The following RFT1 variants were observed in gnomAD, a reference collection of about 807,000 sequenced individuals.
RFT1 encodes man(5)GlcNAc(2)-PP-dolichol translocation protein RFT1.
A neutral mutation model predicts 62.2 loss-of-function variants in RFT1; 43 were observed. That is an observed-to-expected ratio of 0.69 (90% CI 0.54 to 0.89). The LOEUF is 0.89. Ranked by LOEUF, RFT1 falls within the 40% of genes least tolerant of loss-of-function variation. The pLI, the probability that RFT1 is intolerant of heterozygous loss-of-function variation, is 0.00. For synonymous variants in RFT1, 262 were observed against 264.6 expected (o/e 0.99, Z 0.10); for missense variants, 605 against 649.9 (o/e 0.93, Z 0.75).
At chr3:53,079,729 C>G in the RFT1 span, among the ~76,000 whole-genome samples, 1 of 152,192 alleles carries the variant, frequency 6.6e-6, no homozygotes, top group African/African-American at 2.4e-5. Flanking sequence ...AAGAAAAAGA[C>G]AGCACCCTCT....
At chr3:53,069,460 C>A in the RFT1 span, among the ~76,000 whole-genome samples, 1 of 151,260 alleles carries the variant, frequency 6.6e-6, no homozygotes, top group East Asian at 1.9e-4. Context: ...AAGATAAAAA[C>A]CATAGTGGAA....
At chr3:53,128,045 G>T (rs1480743122) in intron 1 of RFT1, among the ~76,000 whole-genome samples, 1 of 151,566 alleles carries the variant, frequency 6.6e-6, no homozygotes, top group Admixed American at 6.6e-5. Context: ...CACCTGTAAT[G>T]CCAGCACTTC....
chr3:53,111,959 A>G, intron 6 of RFT1, 51 bp from the exon 7 acceptor site: 1 of 1,435,538 alleles, frequency 7.0e-7, no homozygotes, highest in South Asian at 1.1e-5. Flanking sequence ...TTGCAAGTCT[A>G]AGAATGCAAT....
chr3:53,102,446 T>C (rs1338064684), intron 10 of RFT1, among the ~76,000 whole-genome samples: 2 of 152,148 alleles, frequency 1.3e-5, no homozygotes, highest in Non-Finnish European at 2.9e-5. Flanking sequence ...GAGAGAAATG[T>C]AAGAAATCTT....
chr3:53,092,291 C>T (rs1307573640), intron 12 of RFT1, 78 bp downstream of exon 12: 2 of 1,555,738 alleles, frequency 1.3e-6, no homozygotes, highest in African/African-American at 2.7e-5. Context: ...AGGCAAAAAC[C>T]TGGGAAGAGG....
rs1442056912 is a variant in RFT1 at position 53,090,931 on chromosome 3, T to C, written c.*972A>G. On this transcript the variant is annotated 3_prime_UTR_variant, in exon 13 of 13. Transcript: ENST00000296292. ...TGGGGCTGGAATTTGGTTGTATTGATCAATGCTGGAATTAATGGGTCAACG... is the reference window on the plus strand; with the variant it reads ...TGGGGCTGGAATTTGGTTGTATTGACCAATGCTGGAATTAATGGGTCAACG... The C allele has an allele frequency of 1.3e-5, 2 of 152,202 alleles. No homozygotes were observed. The highest frequency in any genetic ancestry group is 2.9e-5 in the Non-Finnish European group (2 of 68,062). 9.4% of individuals were successfully genotyped at this position (152,202 alleles called of 1,614,324 possible). A position where few individuals can be genotyped will look rare whatever the true frequency, so the allele number is the denominator to read the frequency against.
rs780107020 is a variant in RFT1 at position 53,125,984 on chromosome 3, C to A, written c.74G>T (p.Arg25Leu). The change falls in exon 2 of 13, where the codon CGG becomes CTG. Residue 25 changes from arginine (R) to leucine (L), a missense_variant. Arg to Leu is a moderately radical substitution (Grantham distance 102). Coordinates refer to ENST00000296292, the MANE Select transcript of RFT1 (RefSeq NM_052859.4). ...TGCATTCAAGACAAAGGTGATCAAC[C>A]GAAACAACACCTATAGAAAAAGAGG... ...SSGLLLQVLFRLITFVLNAFI... is the reference protein window; with the variant it reads ...SSGLLLQVLFLLITFVLNAFI... The A allele has an allele frequency of 1.9e-6, 3 of 1,612,522 alleles. No homozygotes were observed. Among genetic ancestry groups the A allele is most frequent in the East Asian group, 2.2e-5 (1 of 44,874 alleles).
chr3:53,108,574 A>C (rs1363160485), intron 7 of RFT1, among the ~76,000 whole-genome samples: 1 of 149,364 alleles, frequency 6.7e-6, no homozygotes, highest in Non-Finnish European at 1.5e-5. Context: ...TTTATTTTTT[A>C]GTGGAGACGG....
At chr3:53,127,652 T>TAAAAAA (rs34417920) in intron 1 of RFT1, among the ~76,000 whole-genome samples, 2 of 137,850 alleles carry the variant, frequency 1.5e-5, no homozygotes, top group Non-Finnish European at 1.6e-5. Context: ...GACTCCATCT[T>TAAAAAA]AAAAAAAAAA....
the RFT1 span, among the ~76,000 whole-genome samples, chr3:53,068,039 G>C: frequency 6.6e-6 from 1 of 152,204 alleles, no homozygotes; most frequent in Non-Finnish European, 1.5e-5. Flanking sequence ...GCTTTTCTGA[G>C]GCCCCAGGAC....
Position 53,104,025 on chromosome 3 carries a change from T to G in RFT1, c.1030A>C (p.Thr344Pro). 6.2e-7 allele frequency: 1 copy of G among 1,614,006 alleles called. No individual in the cohort carries two copies. The highest frequency in any genetic ancestry group is 1.3e-5 in the African/African-American group (1 of 74,972). The change falls in exon 10 of 13, where the codon ACT becomes CCT. Residue 344 changes from threonine (T) to proline (P), a missense_variant. Transcript: ENST00000296292. ...TGAGAATAGGCAAAGCCAAAAACAG[T>G]GATGGTCAGGCCGGCCAGCAGGGCC... is the stretch of plus-strand genomic sequence containing the variant. The part of the protein sequence containing the change: ...KLALLAGLTI[T>P]VFGFAYSQLA...
At chr3:53,088,296 G>T (rs907029082), downstream of RFT1, among the ~76,000 whole-genome samples, 1 of 152,174 alleles carries the variant, frequency 6.6e-6, no homozygotes. Context: ...CACAGGAGGT[G>T]CCAGGATACC....
chr3:53,070,495 G>A, the RFT1 span, among the ~76,000 whole-genome samples: 2 of 126,754 alleles, frequency 1.6e-5, no homozygotes, highest in South Asian at 5.6e-4. Context: ...TCCGCCTCCC[G>A]AGTTCAAGCA....
At chr3:53,130,162 G>A (rs1702220756) in intron 1 of RFT1, among the ~76,000 whole-genome samples, 176 bp downstream of exon 1, 1 of 152,166 alleles carries the variant, frequency 6.6e-6, no homozygotes, top group South Asian at 2.1e-4. Context: ...TCCTATCTCC[G>A]GGCCAGGGTC....
At chr3:53,067,480 C>A in the RFT1 span, among the ~76,000 whole-genome samples, 2,158 of 152,228 alleles carry the variant, frequency 0.014, 23 homozygotes, top group Non-Finnish European at 0.023. Context: ...GAGGTGAGAA[C>A]GGTGGTTACT....
chr3:53,127,619 G>A (rs145877685), intron 1 of RFT1, among the ~76,000 whole-genome samples: 201 of 150,688 alleles, frequency 1.3e-3, no homozygotes, highest in Admixed American at 4.8e-3. Flanking sequence ...GGAGAATGGC[G>A]TGAAGCCTGG....
At position 53,099,443 on chromosome 3, in the gene RFT1, A is replaced by G. The variant is rs757531035; in HGVS notation, c.1146T>C (p.Leu382=). The G allele has an allele frequency of 2.5e-6, 4 of 1,614,130 alleles. No individual in the cohort carries two copies. Among genetic ancestry groups the G allele is most frequent in the Middle Eastern group, 1.6e-4 (1 of 6,062 alleles). The change falls in exon 11 of 13, where the codon CTT becomes CTC. Residue 382 remains leucine (L), a synonymous_variant. Transcript: ENST00000296292. The part of the protein sequence containing the change: ...LRSYCLYVLL[L]AINGVTECFT... ...AACACTCTGTCACTCCATTGATGGC[A>G]AGCAGGAGAACATAGAGACAGTAGG...
chr3:53,087,350 CCT>C (rs1422867716), downstream of RFT1, among the ~76,000 whole-genome samples: 7 of 152,178 alleles, frequency 4.6e-5, no homozygotes, highest in African/African-American at 1.4e-4. Context: ...TCATGCTGCC[CCT>C]GATTTCCCAC....
Position 53,122,425 on chromosome 3 carries a change from T to C in RFT1, c.405A>G (p.Leu135=), listed in dbSNP as rs569257406. The change falls in exon 4 of 13, where the codon CTA becomes CTG. Residue 135 remains leucine (L), a synonymous_variant. Transcript: ENST00000296292. ...LFGLSAVVEL[L]GEPFWVLAQA... ...GTGCCAAGACCCAAAAGGGCTCTCC[T>C]AGAAGCTCCACCACTGCCGAGAGAC... The C allele has an allele frequency of 7.4e-6, 12 of 1,613,972 alleles. No individual in the cohort carries two copies. Among genetic ancestry groups the C allele is most frequent in the African/African-American group, 6.7e-5 (5 of 74,970 alleles).
Sources: allele counts gnomAD v4.1 joint callset (sites outside exome capture counted in the v4.1 genomes callset), GRCh38; gene constraint gnomAD v4.1.1; transcripts MANE v1.5; gene names NCBI Gene and HGNC (gene_info 2026-07-23, HGNC 2026-07-21).